Variants in CHRNG observed in about 807,000 individuals in gnomAD.
CHRNG encodes acetylcholine receptor subunit gamma.
CHRNG carries 72 observed loss-of-function variants against 65.2 expected under a neutral mutation model. The observed-to-expected ratio is 1.10, with a 90% confidence interval of 0.91 to 1.34. The LOEUF is 1.34. Ranked by LOEUF, CHRNG falls within the 40% of genes most tolerant of loss-of-function variation. The pLI, the probability that CHRNG is intolerant of heterozygous loss-of-function variation, is 0.00. For synonymous variants in CHRNG, 284 were observed against 290.2 expected (o/e 0.98, Z 0.22); for missense variants, 637 against 680.1 (o/e 0.94, Z 0.70).
At position 232,543,319 on chromosome 2, in the gene CHRNG, C is replaced by CAG; in HGVS notation, c.852_853dup (p.Thr285ArgfsTer26). ...CGTCGCCATCAACGTGCTCCTGGCC[C>CAG]AGACTGTCTTCCTCTTCCTTGTGGC... On this transcript the variant is annotated frameshift_variant, in exon 8 of 12. Coordinates refer to ENST00000651502, the MANE Select transcript of CHRNG (RefSeq NM_005199.5). LOFTEE classifies it high-confidence loss of function. 1 of 1,614,186 alleles carries CAG rather than the reference C, an allele frequency of 6.2e-7. No individual in the cohort carries two copies. The highest frequency in any genetic ancestry group is 1.7e-5 in the Admixed American group (1 of 60,034).
Position 232,547,517 on chromosome 2 carries a change from T to C in CHRNG, c.*1801T>C, listed in dbSNP as rs1381808424. On this transcript the variant is annotated 3_prime_UTR_variant, in exon 12 of 12. Transcript: ENST00000651502. ...CTGGCAGGAGGGGACCTTGGAAATA[T>C]GCCCTCCCTCCAAGCACAGGATTGC... Among the ~76,000 whole-genome samples the C allele has an allele frequency of 6.6e-6, 1 of 152,204 alleles. No individual in the cohort carries two copies. The highest frequency in any genetic ancestry group is 1.5e-5 in the Non-Finnish European group (1 of 68,028).
In CHRNG at chr2:232,541,559, G is replaced by C. The variant is rs752677238; in HGVS notation, c.506+30G>C. 20 of 1,610,858 alleles carry C rather than the reference G, an allele frequency of 1.2e-5. No homozygotes were observed. Among genetic ancestry groups the C allele is most frequent in the African/African-American group, 1.3e-5 (1 of 74,932 alleles). ...GGCCATTTATTGGGGAGGATTAAGA[G>C]AGCTGCTCTCAGAGGGGCCTGGGCA... On this transcript the variant is annotated intron_variant, in intron 5 of 11. Coordinates refer to ENST00000651502, the MANE Select transcript of CHRNG (RefSeq NM_005199.5). The surrounding 1 kb of genome is among the most constrained non-coding windows in gnomAD (Gnocchi z 4.0).
rs1692132410 is a variant in CHRNG at position 232,546,246 on chromosome 2, T to C, written c.*530T>C. 6.3e-6 allele frequency: 1 copy of C among 159,832 alleles called. No homozygotes were observed. Among genetic ancestry groups the C allele is most frequent in the Admixed American group, 5.9e-5 (1 of 16,994 alleles). The allele number at this position is 159,832 out of a possible 1,614,324, so 9.9% of individuals were successfully genotyped here. ...CAATTCTCAACAGCCCCAGTGGCCT[T>C]TCCATTCATGTGCATTTTTCTGCCA... On this transcript the variant is annotated 3_prime_UTR_variant, in exon 12 of 12. Coordinates refer to ENST00000651502, the MANE Select transcript of CHRNG (RefSeq NM_005199.5).
chr2:232,544,346 G>A lies in CHRNG; in HGVS notation c.1036-21G>A, dbSNP rs566784629. 159 of 1,602,574 alleles carry A rather than the reference G, an allele frequency of 9.9e-5. 1 individual carries two copies. In the South Asian group the frequency reaches 1.6e-3, roughly 16 times the overall value. ...CTCTGAAGCTCGGCCTGCTGCCCTA[G>A]TGAAGCCACCCCCTCTCTAGGTGTT... On this transcript the variant is annotated intron_variant, in intron 9 of 11. Transcript: ENST00000651502.
At position 232,545,968 on chromosome 2, in the gene CHRNG, C is replaced by G; in HGVS notation, c.*252C>G. On this transcript the variant is annotated 3_prime_UTR_variant, in exon 12 of 12. Coordinates refer to ENST00000651502, the MANE Select transcript of CHRNG (RefSeq NM_005199.5). ...TGGGATTGGCTAGCTCATCCTGGCA[C>G]CAGCCACCCCTCCACTCAGTGCACT... 1 of 606,268 alleles carries G rather than the reference C, an allele frequency of 1.6e-6. No homozygotes were observed. The highest frequency in any genetic ancestry group is 3.0e-6 in the Non-Finnish European group (1 of 332,888). The allele number at this position is 606,268 out of a possible 1,614,324, so 37.6% of individuals were successfully genotyped here.
rs1190320392 is a variant in CHRNG, at chr2:232,540,417, A to G, written c.232A>G (p.Ile78Val). 1 of 1,613,976 alleles carries G rather than the reference A, an allele frequency of 6.2e-7. No homozygotes were observed. The change falls in exon 3 of 12, where the codon ATA becomes GTA. Residue 78 changes from isoleucine to valine, a missense_variant. Ile to Val is a conservative substitution (Grantham distance 29, BLOSUM62 3). Coordinates refer to ENST00000651502, the MANE Select transcript of CHRNG (RefSeq NM_005199.5). This position sits in a 1 kb window ranked among gnomAD's most constrained non-coding sequence, Gnocchi z 4.2. ...REEALTTNVW[I>V]EMQWCDYRLR... ...GGAAGCCCTCACCACCAATGTCTGG[A>G]TAGAGATGGTAAGAGGCCACCCTGC... is the stretch of plus-strand genomic sequence containing the variant.
In CHRNG at chr2:232,544,520, G is replaced by T; in HGVS notation, c.1189G>T (p.Glu397Ter). The T allele has an allele frequency of 1.2e-6, 2 of 1,613,880 alleles. No individual in the cohort carries two copies. Among genetic ancestry groups the T allele is most frequent in the Non-Finnish European group, 1.7e-6 (2 of 1,180,028 alleles). ...GGTGGCCCTCTGCCTGCCTCGCAGT[G>T]AACTCCTCTTCCAGCAGTGGCAGCG... ...EEVALCLPRS[E>*]LLFQQWQRQG... Residue 397 changes from glutamate (E) to a stop codon, truncating the protein, a stop_gained, in exon 10 of 12, where the codon GAA (glutamate) becomes TAA (stop). Coordinates refer to ENST00000651502, the MANE Select transcript of CHRNG (RefSeq NM_005199.5). LOFTEE classifies it high-confidence loss of function.
Position 232,541,757 on chromosome 2 carries a change from C to T in CHRNG, c.506+228C>T. 1 of 600,580 alleles carries T rather than the reference C, an allele frequency of 1.7e-6. No individual in the cohort carries two copies. Among genetic ancestry groups the T allele is most frequent in the Admixed American group, 2.9e-5 (1 of 34,666 alleles). The allele number at this position is 600,580 out of a possible 1,614,324, so 37.2% of individuals were successfully genotyped here. On this transcript the variant is annotated intron_variant, in intron 5 of 11. Coordinates refer to ENST00000651502, the MANE Select transcript of CHRNG (RefSeq NM_005199.5). This position sits in a 1 kb window ranked among gnomAD's most constrained non-coding sequence, Gnocchi z 4.0. Reference sequence around the variant, plus strand: ...CACTCATCCTTTACTGCCTCAGTTTCCTCACCTGTGCTCCAAGGGGAGACA... The same window carrying T: ...CACTCATCCTTTACTGCCTCAGTTTTCTCACCTGTGCTCCAAGGGGAGACA...
rs538950277 is a variant in CHRNG, at chr2:232,544,384, G to A, written c.1053G>A (p.Leu351=). ...CTCTCTAGGTGTTCCTGAGGCTCTT[G>A]CCCCAGCTGCTGAGGATGCACGTTC... The part of the protein sequence containing the change: ...RGVRKVFLRL[L]PQLLRMHVRP... Residue 351 remains leucine, a synonymous_variant, in exon 10 of 12, where the codon TTG becomes TTA. Transcript: ENST00000651502. 10 of 1,613,306 alleles carry A rather than the reference G, an allele frequency of 6.2e-6. No homozygotes were observed. The East Asian group carries it at 2.2e-4, about 36-fold the overall frequency.
chr2:232,540,557 G>A lies in CHRNG; in HGVS notation c.241-45G>A, dbSNP rs751801389. The A allele has an allele frequency of 2.5e-6, 4 of 1,602,624 alleles. No individual in the cohort carries two copies. The highest frequency in any genetic ancestry group is 1.1e-5 in the South Asian group (1 of 90,720). On this transcript the variant is annotated intron_variant, in intron 3 of 11. Transcript: ENST00000651502. The surrounding 1 kb of genome is among the most constrained non-coding windows in gnomAD (Gnocchi z 4.2). The stretch of plus-strand genomic sequence containing the variant: ...CTGGATGCCCACTCCTAGGGCTGTG[G>A]TGCAGCAGAGGGCAGAGGCCTAGCA...
At position 232,539,854 on chromosome 2, in the gene CHRNG, G is replaced by T. The variant is rs374453845; in HGVS notation, c.55+52G>T. On this transcript the variant is annotated intron_variant, in intron 1 of 11. Coordinates refer to ENST00000651502, the MANE Select transcript of CHRNG (RefSeq NM_005199.5). ...GGGAGTCCCAGAGCTGGGGTCCACAGCCTCAGGGGATGGAGGGTCTGAGGG... is the reference window on the plus strand; with the variant it reads ...GGGAGTCCCAGAGCTGGGGTCCACATCCTCAGGGGATGGAGGGTCTGAGGG... 1.2e-5 allele frequency: 19 copies of T among 1,611,364 alleles called. No individual in the cohort carries two copies. In the African/African-American group the frequency reaches 2.5e-4, roughly 21 times the overall value.
At chr2:232,542,672 A>G in intron 6 of CHRNG, 152 bp downstream of exon 6, 2 of 734,460 alleles carry the variant, frequency 2.7e-6, no homozygotes, top group Non-Finnish European at 4.8e-6. Flanking sequence ...AAAACGTCCA[A>G]CAAAGCTCTG....
chr2:232,543,531 T>TG, intron 8 of CHRNG, 54 bp from the exon 9 acceptor site: 19 of 1,305,514 alleles, frequency 1.5e-5, no homozygotes, highest in Non-Finnish European at 2.1e-5. Flanking sequence ...CCACTAAGCG[T>TG]GGGGGTGGCA....
At chr2:232,543,486 C>CA (rs909199985) in intron 8 of CHRNG, 97 bp downstream of exon 8, 14 of 1,182,618 alleles carry the variant, frequency 1.2e-5, no homozygotes, top group African/African-American at 1.7e-5. Context: ...ATCCACCCCC[C>CA]CCATCCTCAA....
rs1237022583 is a variant in CHRNG at position 232,541,575 on chromosome 2, G to A, written c.506+46G>A. ...GGATTAAGAGAGCTGCTCTCAGAGG[G>A]GCCTGGGCAGTGGTGGGGTAAGGCC... On this transcript the variant is annotated intron_variant, in intron 5 of 11. Transcript: ENST00000651502. The surrounding 1 kb of genome is among the most constrained non-coding windows in gnomAD (Gnocchi z 4.0). 8 of 1,605,944 alleles carry A rather than the reference G, an allele frequency of 5.0e-6. No individual in the cohort carries two copies. Among genetic ancestry groups the A allele is most frequent in the Non-Finnish European group, 6.8e-6 (8 of 1,178,472 alleles).
At position 232,543,351 on chromosome 2, in the gene CHRNG, G is replaced by A. The variant is rs777842737; in HGVS notation, c.882G>A (p.Lys294=). 1.5e-5 allele frequency: 25 copies of A among 1,614,122 alleles called. No homozygotes were observed. Among genetic ancestry groups the A allele is most frequent in the Non-Finnish European group, 2.1e-5 (25 of 1,179,992 alleles). Residue 294 remains lysine (K), a synonymous_variant, in exon 8 of 12, where the codon AAG becomes AAA. Transcript: ENST00000651502. Reference sequence around the variant, plus strand: ...TCTTCCTCTTCCTTGTGGCCAAGAAGGTGCCTGAAACCTCCCAGGCGGTGC... The same window carrying A: ...TCTTCCTCTTCCTTGTGGCCAAGAAAGTGCCTGAAACCTCCCAGGCGGTGC... The part of the protein sequence containing the change: ...QTVFLFLVAK[K]VPETSQAVPL...
Position 232,540,189 on chromosome 2 carries a change from A to T in CHRNG, c.195+58A>T. 6.2e-7 allele frequency: 1 copy of T among 1,613,772 alleles called. No homozygotes were observed. The highest frequency in any genetic ancestry group is 8.5e-7 in the Non-Finnish European group (1 of 1,179,822). On this transcript the variant is annotated intron_variant, in intron 2 of 11. Transcript: ENST00000651502. This position sits in a 1 kb window ranked among gnomAD's most constrained non-coding sequence, Gnocchi z 4.2. ...CCACGCCCTGGGACCTGCTGGGGAT[A>T]GCATGGGGTGGCTCCAGCCACCAAG... is the stretch of plus-strand genomic sequence containing the variant.
rs1233474420 is a variant in CHRNG at position 232,545,809 on chromosome 2, C to A, written c.*93C>A. 3 of 1,420,102 alleles carry A rather than the reference C, an allele frequency of 2.1e-6. No homozygotes were observed. In the African/African-American group the frequency reaches 4.2e-5, roughly 20 times the overall value. 88.0% of individuals were successfully genotyped at this position (1,420,102 alleles called of 1,614,324 possible). A position where few individuals can be genotyped will look rare whatever the true frequency, so the allele number is the denominator to read the frequency against. The stretch of plus-strand genomic sequence containing the variant: ...TTCTCCTACTGAGGTCCTAAGTGTG[C>A]TCTTTGGGAAGTGCCCTTCAGGACT... On this transcript the variant is annotated 3_prime_UTR_variant, in exon 12 of 12. Coordinates refer to ENST00000651502, the MANE Select transcript of CHRNG (RefSeq NM_005199.5).
intron 8 of CHRNG, 94 bp downstream of exon 8, chr2:232,543,483 C>CCCA (rs1553578018): frequency 7.6e-6 from 9 of 1,178,260 alleles, no homozygotes; most frequent in South Asian, 2.6e-5. Flanking sequence ...TCCATCCACC[C>CCCA]CCCCCATCCT....
Sources: gnomAD v4.1 joint callset for allele counts (sites outside exome capture counted in the v4.1 genomes callset) on GRCh38, gnomAD v4.1.1 for gene constraint, Gnocchi (gnomAD v3.1) non-coding constraint, MANE v1.5 for transcripts, NCBI Gene and HGNC (gene_info 2026-07-23, HGNC 2026-07-21) for gene names.